The following GLIS3 variants were observed in gnomAD, a reference collection of about 807,000 sequenced individuals.
GLIS3 encodes the protein GLIS family zinc finger 3.
In GLIS3, 53 loss-of-function variants were observed where a neutral mutation model predicts 78.6. The observed-to-expected ratio is 0.67, with a 90% CI of 0.54 to 0.85. The LOEUF is 0.85. Ranked by LOEUF, GLIS3 falls within the 40% of genes least tolerant of loss-of-function variation. The pLI is 0.00. For synonymous variants in GLIS3, 684 were observed against 509.9 expected (o/e 1.34, Z -4.60); for missense variants, 1,703 against 1,231.1 (o/e 1.38, Z -5.74).
intron 9 of GLIS3, among the ~76,000 whole-genome samples, chr9:3,844,466 T>A (rs1374814662): frequency 6.6e-6 from 1 of 152,170 alleles, no homozygotes; most frequent in East Asian, 1.9e-4. Flanking sequence ...ACTTCATGAG[T>A]TTCAGGTATA....
At chr9:3,829,153 A>AG (rs1372444598) in intron 10 of GLIS3, among the ~76,000 whole-genome samples, 157 bp downstream of exon 10, 3 of 151,854 alleles carry the variant, frequency 2.0e-5, no homozygotes, top group Non-Finnish European at 4.4e-5. Context: ...GGAGGGCTGG[A>AG]GGGGAAGGTG....
At chr9:4,451,247 AAAGAAG>A in the GLIS3 span, among the ~76,000 whole-genome samples, 1 of 152,232 alleles carries the variant, frequency 6.6e-6, no homozygotes, top group East Asian at 1.9e-4. Context: ...CAAAAGAGAC[AAAGAAG>A]GCCACTACAT....
intron 3 of GLIS3, among the ~76,000 whole-genome samples, chr9:4,119,651 C>T (rs1437646402): frequency 6.6e-6 from 1 of 152,168 alleles, no homozygotes; most frequent in Non-Finnish European, 1.5e-5. Context: ...TGTGAACTCT[C>T]GTCCTTAAAT....
chr9:3,916,220 A>G (rs1055588583), intron 6 of GLIS3, among the ~76,000 whole-genome samples: 1 of 152,222 alleles, frequency 6.6e-6, no homozygotes, highest in African/African-American at 2.4e-5. Flanking sequence ...TCGAACATCA[A>G]GGAAAGGTAG....
At chr9:4,242,934 C>T (rs1823454125) in intron 2 of GLIS3, among the ~76,000 whole-genome samples, 1 of 152,072 alleles carries the variant, frequency 6.6e-6, no homozygotes, top group African/African-American at 2.4e-5. Flanking sequence ...GTGTAGCTTA[C>T]ACTATATTTC....
intron 2 of GLIS3, among the ~76,000 whole-genome samples, chr9:4,327,458 G>A (rs1817618033): frequency 6.6e-6 from 1 of 152,142 alleles, no homozygotes; most frequent in Non-Finnish European, 1.5e-5. Flanking sequence ...GTGAAGGAGG[G>A]TGGAGGGTGC....
chr9:4,201,729 G>A (rs1196928193), intron 2 of GLIS3, among the ~76,000 whole-genome samples: 8 of 152,162 alleles, frequency 5.3e-5, no homozygotes, highest in Admixed American at 5.2e-4. Flanking sequence ...TCATGGATTG[G>A]AAGACTCAAT....
chr9:4,395,041 A>G, the GLIS3 span, among the ~76,000 whole-genome samples: 3 of 152,220 alleles, frequency 2.0e-5, no homozygotes, highest in African/African-American at 7.2e-5. Context: ...TAGAGTATCT[A>G]TAATGGTGTA....
intron 2 of GLIS3, among the ~76,000 whole-genome samples, chr9:4,201,034 T>C (rs548946647): frequency 1.3e-5 from 2 of 152,320 alleles, no homozygotes; most frequent in Admixed American, 6.5e-5. Flanking sequence ...GTTCATCATA[T>C]GCAAATCCAT....
At chr9:4,317,346 C>A (rs1025962494) in intron 2 of GLIS3, among the ~76,000 whole-genome samples, 1 of 152,122 alleles carries the variant, frequency 6.6e-6, no homozygotes, top group Non-Finnish European at 1.5e-5. Flanking sequence ...AGTACTGATG[C>A]CTACCCTAAA....
chr9:4,254,141 T>C (rs974125630), intron 2 of GLIS3, among the ~76,000 whole-genome samples: 8 of 152,236 alleles, frequency 5.3e-5, no homozygotes, highest in African/African-American at 1.9e-4. Flanking sequence ...AACAAACATT[T>C]ATTTAATATT....
chr9:3,980,340 C>T (rs192032955), intron 4 of GLIS3, among the ~76,000 whole-genome samples: 1 of 152,284 alleles, frequency 6.6e-6, no homozygotes, highest in African/African-American at 2.4e-5. Flanking sequence ...CAAGAGGAGG[C>T]CCAGGTTCAC....
At chr9:3,833,171 G>A (rs1432661312) in intron 9 of GLIS3, among the ~76,000 whole-genome samples, 5 of 152,190 alleles carry the variant, frequency 3.3e-5, no homozygotes, top group African/African-American at 1.2e-4. Context: ...GGCTGACACA[G>A]GAAACTGTCA....
intron 4 of GLIS3, among the ~76,000 whole-genome samples, chr9:3,939,699 T>TA (rs1826094492): frequency 6.6e-6 from 1 of 152,164 alleles, no homozygotes; most frequent in African/African-American, 2.4e-5. Flanking sequence ...AGAACAGCAT[T>TA]ACAGTATTCT....
intron 4 of GLIS3, among the ~76,000 whole-genome samples, chr9:4,092,238 G>A (rs1442458774): frequency 6.8e-6 from 1 of 147,992 alleles, no homozygotes; most frequent in Non-Finnish European, 1.5e-5. Context: ...TGCAAGCCTC[G>A]CCTCCTGGGT....
chr9:3,891,431 A>G (rs1822440305), intron 7 of GLIS3, among the ~76,000 whole-genome samples: 1 of 152,222 alleles, frequency 6.6e-6, no homozygotes, highest in African/African-American at 2.4e-5. Context: ...AGCCGCTGCC[A>G]TGGTTCATGC....
intron 2 of GLIS3, among the ~76,000 whole-genome samples, chr9:4,328,302 C>G (rs1817632023): frequency 6.6e-6 from 1 of 152,180 alleles, no homozygotes. Flanking sequence ...TGAAGAAGAG[C>G]TTGGTCACAG....
chr9:4,399,242 A>G, the GLIS3 span, among the ~76,000 whole-genome samples: 1 of 152,202 alleles, frequency 6.6e-6, no homozygotes, highest in Non-Finnish European at 1.5e-5. Flanking sequence ...TCTACATTAT[A>G]TGTATCAAAA....
intron 4 of GLIS3, among the ~76,000 whole-genome samples, chr9:3,956,537 C>T (rs892229573): frequency 3.3e-5 from 5 of 152,336 alleles, no homozygotes; most frequent in Admixed American, 2.6e-4. Flanking sequence ...GGAGACATCA[C>T]TCTGATTCTC....
Sources: gnomAD v4.1 joint callset for allele counts (sites outside exome capture counted in the v4.1 genomes callset) on GRCh38, gnomAD v4.1.1 for gene constraint, MANE v1.5 for transcripts, NCBI Gene and HGNC (gene_info 2026-07-23, HGNC 2026-07-21) for gene names.